EFL1: variants seen among roughly 807,000 people sequenced by gnomAD.
EFL1 encodes elongation factor like GTPase 1.
EFL1 carries 76 observed loss-of-function variants against 126.7 expected under a neutral mutation model. That is an observed-to-expected ratio of 0.60 (90% CI 0.50 to 0.73). The LOEUF (loss-of-function observed/expected upper bound fraction) is 0.73, where lower values mean the gene tolerates loss of function less well. Ranked by LOEUF, EFL1 falls within the 30% of genes least tolerant of loss-of-function variation. The pLI, the probability that EFL1 is intolerant of heterozygous loss-of-function variation, is 0.00. For missense variants in EFL1, 1,128 were observed against 1,343.2 expected (o/e 0.84, Z 2.50); for synonymous variants, 410 against 448.4 (o/e 0.91, Z 1.08).
intron 9 of EFL1, 49 bp downstream of exon 9, chr15:82,228,985 C>A (rs1187064275): frequency 2.7e-6 from 4 of 1,482,502 alleles, no homozygotes; most frequent in East Asian, 2.3e-5. Context: ...GAAAGTGAGA[C>A]AAATTATACT....
rs1399258091 is a variant in EFL1, at chr15:82,238,339, C to T, written c.699G>A (p.Val233=). The change falls in exon 7 of 20, where the codon GTG becomes GTA. Residue 233 remains valine, a synonymous_variant. Transcript: ENST00000268206. ...CCCACCCATCTATTGCACTGGTAAA[C>T]ACCACATTTCCCTGTTCTGGAGAGA... ...LYFSPEQGNV[V]FTSAIDGWGF... 1.9e-6 allele frequency: 3 copies of T among 1,614,076 alleles called. No homozygotes were observed. The highest frequency in any genetic ancestry group is 2.5e-6 in the Non-Finnish European group (3 of 1,180,042).
At chr15:82,154,485 A>G (rs900175887) in intron 17 of EFL1, among the ~76,000 whole-genome samples, 2 of 152,212 alleles carry the variant, frequency 1.3e-5, no homozygotes, top group Non-Finnish European at 2.9e-5. Context: ...CATTATACAC[A>G]TTCTTAATGT....
At chr15:82,207,754 CTT>C (rs1448963269) in intron 15 of EFL1, among the ~76,000 whole-genome samples, 3 of 144,646 alleles carry the variant, frequency 2.1e-5, no homozygotes, top group Non-Finnish European at 4.5e-5. Flanking sequence ...GAGTTTCGCT[CTT>C]GTCACCCAGG....
At chr15:82,247,736 T>A (rs2074985902) in intron 4 of EFL1, among the ~76,000 whole-genome samples, 1 of 152,082 alleles carries the variant, frequency 6.6e-6, no homozygotes, top group South Asian at 2.1e-4. Flanking sequence ...TGGAATGTTT[T>A]CACAGTAAGT....
At chr15:82,239,889 G>A (rs2074913536) in intron 6 of EFL1, among the ~76,000 whole-genome samples, 1 of 152,038 alleles carries the variant, frequency 6.6e-6, no homozygotes, top group African/African-American at 2.4e-5. Context: ...CCTTATCTAT[G>A]CTGTTATATC....
At chr15:82,132,851 A>G (rs1229605965) in intron 19 of EFL1, among the ~76,000 whole-genome samples, 1 of 152,072 alleles carries the variant, frequency 6.6e-6, no homozygotes, top group Non-Finnish European at 1.5e-5. Context: ...TGTGGGCACA[A>G]CAGTCCCAGA....
chr15:82,164,054 A>G (rs1189779832), intron 15 of EFL1, 70 bp from the exon 16 acceptor site: 6 of 1,585,060 alleles, frequency 3.8e-6, no homozygotes, highest in Non-Finnish European at 5.2e-6. Flanking sequence ...GAAAAACAGC[A>G]GCATCAACCC....
In EFL1 at chr15:82,181,366, C is replaced by T. The variant is rs183648443; in HGVS notation, c.1751-17382G>A. ...TTTCAAACTTTGTGACTATACTTGA[C>T]ATGGGATGGACAGAAAAATATCTGT... is the stretch of plus-strand genomic sequence containing the variant. On this transcript the variant is annotated intron_variant, in intron 15 of 19. Transcript: ENST00000268206. Among the ~76,000 whole-genome samples, 9 of 152,262 alleles carry T rather than the reference C, an allele frequency of 5.9e-5. No individual in the cohort carries two copies. The East Asian group carries it at 9.7e-4, about 16-fold the overall frequency.
At chr15:82,211,841 A>G (rs2074594285) in intron 15 of EFL1, among the ~76,000 whole-genome samples, 1 of 152,208 alleles carries the variant, frequency 6.6e-6, no homozygotes, top group Non-Finnish European at 1.5e-5. Flanking sequence ...TGGGTTATCA[A>G]TCAACCCAAA....
rs752891052 is a variant in EFL1, at chr15:82,238,355, T to C, written c.683A>G (p.Glu228Gly). ...ACTGGTAAACACCACATTTCCCTGT[T>C]CTGGAGAGAAGTAAAGGTGAGAATC... is the stretch of plus-strand genomic sequence containing the variant. ...TDDSHLYFSP[E>G]QGNVVFTSAI... Residue 228 changes from glutamate to glycine, a missense_variant, in exon 7 of 20, where the codon GAA (glutamate) becomes GGA (glycine). This residue lies in a region of EFL1 where 316 missense variants were observed against 318.5 expected (regional missense o/e 0.99). Coordinates refer to ENST00000268206, the MANE Select transcript of EFL1 (RefSeq NM_024580.6). 1 of 1,614,208 alleles carries C rather than the reference T, an allele frequency of 6.2e-7. No individual in the cohort carries two copies. Among genetic ancestry groups the C allele is most frequent in the Non-Finnish European group, 8.5e-7 (1 of 1,180,026 alleles).
chr15:82,247,126 C>CA (rs570877824), intron 4 of EFL1, among the ~76,000 whole-genome samples: 1 of 151,782 alleles, frequency 6.6e-6, no homozygotes, highest in Non-Finnish European at 1.5e-5. Context: ...TGTGGGGAGT[C>CA]AAAAAAACTA....
intron 3 of EFL1, among the ~76,000 whole-genome samples, chr15:82,253,872 T>A (rs2141340746): frequency 6.6e-6 from 1 of 152,282 alleles, no homozygotes; most frequent in East Asian, 1.9e-4. Flanking sequence ...TTCCAACTCC[T>A]TAGCCCTAAG....
Position 82,151,749 on chromosome 15 carries a change from A to T in EFL1, c.2705T>A (p.Phe902Tyr). 1 of 1,613,976 alleles carries T rather than the reference A, an allele frequency of 6.2e-7. No homozygotes were observed. Among genetic ancestry groups the T allele is most frequent in the Non-Finnish European group, 8.5e-7 (1 of 1,179,980 alleles). The change falls in exon 18 of 20, where the codon TTT becomes TAT. Residue 902 changes from phenylalanine to tyrosine, a missense_variant. Phe to Tyr is a conservative substitution (Grantham distance 22, BLOSUM62 3). This residue lies in a region of EFL1 where 561 missense variants were observed against 641.7 expected (regional missense o/e 0.87). Coordinates refer to ENST00000268206, the MANE Select transcript of EFL1 (RefSeq NM_024580.6). ...CAGATCACTTGCTCCTTGTTCCTCA[A>T]ATTTACTTAGGTCCCATTTTTCCAG... Reference protein sequence around the residue: ...FVLEKWDLSKFEEQGASDLAK... With the variant: ...FVLEKWDLSKYEEQGASDLAK...
chr15:82,197,031 T>TAA (rs201704769), intron 15 of EFL1, among the ~76,000 whole-genome samples: 7 of 127,192 alleles, frequency 5.5e-5, no homozygotes, highest in Non-Finnish European at 5.2e-5. Context: ...AACTCCAACT[T>TAA]AAAAAAAAAA....
chr15:82,164,107 G>A (rs1220487608), intron 15 of EFL1, 123 bp from the exon 16 acceptor site: 1 of 1,217,630 alleles, frequency 8.2e-7, no homozygotes. Context: ...AATGTTGCAA[G>A]AAATGAGGCG....
chr15:82,230,719 A>T (rs1211554971), intron 8 of EFL1, 129 bp downstream of exon 8: 2 of 1,093,200 alleles, frequency 1.8e-6, no homozygotes, highest in Admixed American at 3.0e-5. Context: ...AATTATATAC[A>T]GTAAAAAATC....
chr15:82,185,637 T>A (rs188336785), intron 15 of EFL1, among the ~76,000 whole-genome samples: 13 of 151,952 alleles, frequency 8.6e-5, no homozygotes, highest in Non-Finnish European at 1.5e-4. Context: ...AATACCACAA[T>A]TTAAAAACAC....
chr15:82,240,490 A>C lies in EFL1; in HGVS notation c.444T>G (p.Ile148Met), dbSNP rs539249535. The C allele has an allele frequency of 8.7e-6, 14 of 1,614,122 alleles. No homozygotes were observed. The highest frequency in any genetic ancestry group is 1.2e-5 in the Non-Finnish European group (14 of 1,179,998). Reference protein sequence around the residue: ...NIRPVLVINKIDRLIVELKFT... With the variant: ...NIRPVLVINKMDRLIVELKFT... ...ATTTCAGTTCCACTATCAAGCGATC[A>C]ATCTTATTAATCACTAAAACCGGAC... Residue 148 changes from isoleucine (I) to methionine (M), a missense_variant, in exon 6 of 20, where the codon ATT (isoleucine) becomes ATG (methionine). Around this residue, in one of 6 missense-constraint regions of EFL1, gnomAD observed 118 missense variants for 188.1 expected, o/e 0.63. Transcript: ENST00000268206.
intron 12 of EFL1, among the ~76,000 whole-genome samples, chr15:82,221,958 T>C (rs1008970010): frequency 1.1e-4 from 17 of 152,350 alleles, no homozygotes; most frequent in African/African-American, 2.4e-4. Context: ...AGGCTGACCA[T>C]TCTAGCCGTT....
Sources: allele counts gnomAD v4.1 joint callset (sites outside exome capture counted in the v4.1 genomes callset), GRCh38; gene constraint gnomAD v4.1.1; regional missense constraint gnomAD v4.1.1; transcripts MANE v1.5; gene names NCBI Gene and HGNC (gene_info 2026-07-23, HGNC 2026-07-21).